SYNPR: variants seen among roughly 807,000 people sequenced by gnomAD.
The protein encoded by SYNPR is synaptoporin.
SYNPR carries 23 observed loss-of-function variants against 32.9 expected under a neutral mutation model. The observed-to-expected ratio is 0.70, with a 90% confidence interval of 0.50 to 0.99. The LOEUF is 0.99. SYNPR is among the 50% of genes least tolerant of loss of function. The pLI, the probability that SYNPR is intolerant of heterozygous loss-of-function variation, is 0.00. For missense variants in SYNPR, 318 were observed against 349.3 expected (o/e 0.91, Z 0.71); for synonymous variants, 146 against 135.9 (o/e 1.07, Z -0.52).
chr3:63,596,782 AACCCAAACAGGAAAAGGGGCATCACTGTC>A (rs1266267728), intron 4 of SYNPR, among the ~76,000 whole-genome samples: 1 of 152,172 alleles, frequency 6.6e-6, no homozygotes, highest in African/African-American at 2.4e-5. Flanking sequence ...GGCATTAATG[AACCCAAACAGGAAAAGGGGCATCACTGTC>A]ACTTGACCAT....
At chr3:63,467,937 C>T (rs758399622) in intron 2 of SYNPR, among the ~76,000 whole-genome samples, 2 of 152,090 alleles carry the variant, frequency 1.3e-5, no homozygotes, top group South Asian at 4.1e-4. Flanking sequence ...CGGTGGCTCA[C>T]ACCTGTAATC....
At chr3:63,544,241 T>C (rs1391603741) in intron 3 of SYNPR, among the ~76,000 whole-genome samples, 2 of 152,128 alleles carry the variant, frequency 1.3e-5, no homozygotes, top group African/African-American at 4.8e-5. Flanking sequence ...ACATTATATG[T>C]GCTGACGATA....
At position 63,609,604 on chromosome 3, in the gene SYNPR, C is replaced by G. The variant is rs145299132; in HGVS notation, c.600+288C>G. ...TCCAGTTGAAACTCTAAGCCAGAAG[C>G]AAATATAAAATCTGAACTTTGGCCG... On this transcript the variant is annotated intron_variant, in intron 5 of 5. Coordinates refer to ENST00000478300, the MANE Select transcript of SYNPR (RefSeq NM_001130003.2). Among the ~76,000 whole-genome samples the G allele has an allele frequency of 4.9e-3, 742 of 152,204 alleles. 6 individuals are homozygous for G. The highest frequency in any genetic ancestry group is 0.016 in the African/African-American group (685 of 41,526).
intron 2 of SYNPR, among the ~76,000 whole-genome samples, chr3:63,402,840 C>T (rs944740299): frequency 2.6e-5 from 4 of 152,132 alleles, no homozygotes; most frequent in African/African-American, 9.7e-5. Context: ...ATAGTCATTG[C>T]AAGTGTGATG....
Position 63,521,667 on chromosome 3 carries a change from T to C in SYNPR, c.210-34876T>C, listed in dbSNP as rs140091830. Among the ~76,000 whole-genome samples, 33 of 152,318 alleles carry C rather than the reference T, an allele frequency of 2.2e-4. 1 individual carries two copies. The highest frequency in any genetic ancestry group is 6.3e-4 in the African/African-American group (26 of 41,580). ...TGCAGCCAATACTCTGGAGGCAATA[T>C]GCAAAGTGGTTCAGGAAACCCACAT... On this transcript the variant is annotated intron_variant, in intron 3 of 5. Transcript: ENST00000478300.
At chr3:63,296,580 A>G (rs1417054266) in intron 2 of SYNPR, among the ~76,000 whole-genome samples, 1 of 152,190 alleles carries the variant, frequency 6.6e-6, no homozygotes, top group Non-Finnish European at 1.5e-5. Flanking sequence ...TCAGATAAAC[A>G]TCTAGGAAGC....
At chr3:63,584,789 G>A (rs745465641) in intron 4 of SYNPR, among the ~76,000 whole-genome samples, 4 of 152,032 alleles carry the variant, frequency 2.6e-5, no homozygotes, top group Non-Finnish European at 5.9e-5. Context: ...ATGCAAATGG[G>A]GCCACAGATT....
intron 2 of SYNPR, among the ~76,000 whole-genome samples, chr3:63,279,729 G>C (rs1290957981): frequency 6.6e-6 from 1 of 152,208 alleles, no homozygotes; most frequent in African/African-American, 2.4e-5. Flanking sequence ...CCTGTTCTCT[G>C]TTCCCAGATC....
At chr3:63,430,655 A>G (rs1699976686) in intron 2 of SYNPR, among the ~76,000 whole-genome samples, 2 of 152,186 alleles carry the variant, frequency 1.3e-5, no homozygotes, top group African/African-American at 4.8e-5. Flanking sequence ...TATTATATAG[A>G]CAATGTGGAA....
At chr3:63,552,103 G>A (rs1702512958) in intron 3 of SYNPR, among the ~76,000 whole-genome samples, 1 of 151,890 alleles carries the variant, frequency 6.6e-6, no homozygotes, top group African/African-American at 2.4e-5. Context: ...TCACCATGTT[G>A]GTCAGGCTGG....
chr3:63,591,636 A>G (rs1263752548), intron 4 of SYNPR, among the ~76,000 whole-genome samples: 2 of 138,042 alleles, frequency 1.4e-5, no homozygotes, highest in African/African-American at 5.5e-5. Context: ...CTAAAAAATG[A>G]TGAGTTCATG....
At chr3:63,282,684 GAAA>G (rs34234414) in intron 2 of SYNPR, among the ~76,000 whole-genome samples, 1 of 115,894 alleles carries the variant, frequency 8.6e-6, no homozygotes, top group Non-Finnish European at 1.7e-5. Context: ...CACTGTCTCA[GAAA>G]AAAAAAAAAA....
At chr3:63,568,394 T>C (rs1183027187) in intron 4 of SYNPR, among the ~76,000 whole-genome samples, 1 of 152,186 alleles carries the variant, frequency 6.6e-6, no homozygotes, top group Non-Finnish European at 1.5e-5. Context: ...TATTAGCTTA[T>C]TGAGCATCTG....
At chr3:63,221,739 G>C in the SYNPR span, among the ~76,000 whole-genome samples, 1 of 152,100 alleles carries the variant, frequency 6.6e-6, no homozygotes, top group Non-Finnish European at 1.5e-5. Context: ...GCAACACCAG[G>C]TTTGAATCCT....
At chr3:63,338,622 A>G (rs2087324496) in intron 2 of SYNPR, among the ~76,000 whole-genome samples, 1 of 152,208 alleles carries the variant, frequency 6.6e-6, no homozygotes, top group African/African-American at 2.4e-5. Context: ...ATTATATACT[A>G]TATTGTATTA....
At chr3:63,338,987 G>A (rs141993639) in intron 2 of SYNPR, among the ~76,000 whole-genome samples, 212 of 152,320 alleles carry the variant, frequency 1.4e-3, no homozygotes, top group Middle Eastern at 0.01. Flanking sequence ...ATGCTTTTAG[G>A]TAAGGCAGAC....
chr3:63,393,491 C>CTTTTTTTTTTTTTTTTTTTTTT (rs1482584312), intron 2 of SYNPR, among the ~76,000 whole-genome samples: 2 of 116,646 alleles, frequency 1.7e-5, no homozygotes, highest in African/African-American at 7.5e-5. Flanking sequence ...TTCTTTCTTT[C>CTTTTTTTTTTTTTTTTTTTTTT]TTCTCTTTTT....
chr3:63,397,648 T>C (rs1342416690), intron 2 of SYNPR, among the ~76,000 whole-genome samples: 2 of 152,140 alleles, frequency 1.3e-5, no homozygotes, highest in Admixed American at 1.3e-4. Flanking sequence ...GACCATCTAA[T>C]ATGGTGCAGA....
chr3:63,541,958 A>G (rs911054163), intron 3 of SYNPR, among the ~76,000 whole-genome samples: 7 of 152,114 alleles, frequency 4.6e-5, no homozygotes, highest in African/African-American at 1.7e-4. Flanking sequence ...GGATTTTATC[A>G]AACTTTGAGG....
Sources: allele counts gnomAD v4.1 joint callset (sites outside exome capture counted in the v4.1 genomes callset), GRCh38; gene constraint gnomAD v4.1.1; transcripts MANE v1.5; gene names NCBI Gene and HGNC (gene_info 2026-07-23, HGNC 2026-07-21).